The following SMG6 variants were observed in gnomAD, a reference collection of about 807,000 sequenced individuals.
SMG6 encodes the protein SMG6 nonsense mediated mRNA decay factor.
Under a neutral mutation model 142.2 loss-of-function variants are expected in SMG6, and 66 were observed. The ratio of observed to expected loss-of-function variants is 0.46; its 90% confidence interval spans 0.38 to 0.57. SMG6 has a LOEUF of 0.57. SMG6 is among the 20% of genes least tolerant of loss of function. The probability of loss-of-function intolerance (pLI) is 0.00; values close to 1 mark genes in which losing one functional copy is unlikely to be tolerated. For synonymous variants in SMG6, 779 were observed against 702.4 expected (o/e 1.11, Z -1.72); for missense variants, 1,793 against 1,832.0 (o/e 0.98, Z 0.39).
chr17:2,086,942 G>A (rs552507445), intron 13 of SMG6: 434 of 1,199,492 alleles, frequency 3.6e-4, no homozygotes, highest in Admixed American at 2.5e-3. Context: ...GTGGCCAGAC[G>A]TGCCACAGGG....
At chr17:2,137,968 C>A (rs1597452914) in intron 13 of SMG6, among the ~76,000 whole-genome samples, 1 of 152,078 alleles carries the variant, frequency 6.6e-6, no homozygotes, top group Admixed American at 6.6e-5. Flanking sequence ...ACACTAGACA[C>A]TTGGGGATGG....
chr17:2,093,637 G>A (rs1334756377), intron 13 of SMG6, among the ~76,000 whole-genome samples: 2 of 152,136 alleles, frequency 1.3e-5, no homozygotes, highest in Non-Finnish European at 2.9e-5. Context: ...ATAGCCTAGG[G>A]CCAAGGGGAG....
intron 8 of SMG6, among the ~76,000 whole-genome samples, chr17:2,273,064 G>A (rs141764537): frequency 1.7e-4 from 26 of 152,272 alleles, no homozygotes; most frequent in Non-Finnish European, 2.9e-4. Context: ...GACTCCCTAA[G>A]TGCAAGAAGG....
In SMG6 at chr17:2,073,728, A is replaced by AG. The variant is rs1157014635; in HGVS notation, c.3682-4798_3682-4797insC. Among the ~76,000 whole-genome samples, 5 of 150,530 alleles carry AG rather than the reference A, an allele frequency of 3.3e-5. No individual in the cohort carries two copies. In the South Asian group the frequency reaches 1.1e-3, roughly 32 times the overall value. On this transcript the variant is annotated intron_variant, in intron 15 of 18. Transcript: ENST00000263073. Reference sequence around the variant, plus strand: ...CGTCTCAAAAAAAAAAAAAAAAAAAAAGAGACAGAGTCTCATCCAAGCCTG... The same window carrying AG: ...CGTCTCAAAAAAAAAAAAAAAAAAAAGAGAGACAGAGTCTCATCCAAGCCTG...
chr17:2,167,196 A>G (rs1227429729), intron 13 of SMG6, among the ~76,000 whole-genome samples: 1 of 151,822 alleles, frequency 6.6e-6, no homozygotes, highest in Non-Finnish European at 1.5e-5. Flanking sequence ...AAAAAAAATA[A>G]AGGTTATAAG....
intron 10 of SMG6, among the ~76,000 whole-genome samples, chr17:2,229,909 A>AGT (rs2073421558): frequency 6.6e-6 from 1 of 152,022 alleles, no homozygotes; most frequent in African/African-American, 2.4e-5. Flanking sequence ...TGCCAGGCCA[A>AGT]GCGCAGTGGC....
At chr17:2,091,299 A>T (rs969091983) in intron 13 of SMG6, among the ~76,000 whole-genome samples, 1 of 152,230 alleles carries the variant, frequency 6.6e-6, no homozygotes, top group African/African-American at 2.4e-5. Context: ...TCCTGGCAGG[A>T]AGCAGACTCC....
intron 8 of SMG6, among the ~76,000 whole-genome samples, chr17:2,248,651 T>TA (rs750520480): frequency 7.2e-5 from 11 of 152,220 alleles, no homozygotes; most frequent in Non-Finnish European, 1.5e-4. Context: ...ACACTCTCCC[T>TA]AACCTTAGTT....
chr17:2,135,805 T>C (rs977926890), intron 13 of SMG6, among the ~76,000 whole-genome samples: 1 of 150,940 alleles, frequency 6.6e-6, no homozygotes, highest in Non-Finnish European at 1.5e-5. Flanking sequence ...TCTTCCCACC[T>C]TAGCCCCTTG....
Position 2,245,282 on chromosome 17 carries a change from G to C in SMG6, c.2662-563C>G, listed in dbSNP as rs11650903. On this transcript the variant is annotated intron_variant, in intron 8 of 18. Coordinates refer to ENST00000263073, the MANE Select transcript of SMG6 (RefSeq NM_017575.5). ...GAAAATTCAAGTGTCTAAAGGGCTA[G>C]GCGTGAAGTATGCTGATGGAGACAG... 1.8e-4 allele frequency among the ~76,000 whole-genome samples: 27 copies of C among 152,324 alleles called. No homozygotes were observed. The East Asian group carries it at 5.2e-3, about 29-fold the overall frequency.
chr17:2,086,078 C>T (rs1003475937), intron 13 of SMG6, among the ~76,000 whole-genome samples, 177 bp from the exon 14 acceptor site: 1 of 152,068 alleles, frequency 6.6e-6, no homozygotes, highest in South Asian at 2.1e-4. Context: ...TAAGTGAGGG[C>T]CCAGGGCAGG....
At chr17:2,193,955 C>A (rs948140317) in intron 10 of SMG6, among the ~76,000 whole-genome samples, 3 of 152,220 alleles carry the variant, frequency 2.0e-5, no homozygotes, top group Non-Finnish European at 4.4e-5. Flanking sequence ...CTCAGCCTCC[C>A]AAGTAGCTGG....
chr17:2,161,687 T>A (rs1346159146), intron 13 of SMG6, among the ~76,000 whole-genome samples: 1 of 150,284 alleles, frequency 6.7e-6, no homozygotes, highest in Admixed American at 6.7e-5. Context: ...TTAGTACCAC[T>A]CAGAGCACTC....
chr17:2,299,754 G>C lies in SMG6; in HGVS notation c.999C>G (p.Gly333=), dbSNP rs768082061. 1 of 1,613,940 alleles carries C rather than the reference G, an allele frequency of 6.2e-7. No individual in the cohort carries two copies. The highest frequency in any genetic ancestry group is 8.5e-7 in the Non-Finnish European group (1 of 1,180,012). Residue 333 remains glycine, a synonymous_variant, in exon 2 of 19, where the codon GGC becomes GGG. Transcript: ENST00000263073. The surrounding 1 kb of genome is among the most constrained non-coding windows in gnomAD (Gnocchi z 4.3). Reference sequence around the variant, plus strand: ...TGTTTTTCTGCTCACCCTCCCCACGGCCAGACCAGTTTCTTTCTAAATGTC... The same window carrying C: ...TGTTTTTCTGCTCACCCTCCCCACGCCCAGACCAGTTTCTTTCTAAATGTC... The part of the protein sequence containing the change: ...RKRHLERNWS[G]RGEGEQKNSA...
intron 14 of SMG6, among the ~76,000 whole-genome samples, chr17:2,083,012 CTG>C (rs1409699875): frequency 3.9e-5 from 6 of 152,280 alleles, no homozygotes; most frequent in Non-Finnish European, 8.8e-5. Context: ...AATGAACAAA[CTG>C]AGGTTTAGAA....
At chr17:2,287,561 T>C (rs552851110) in intron 6 of SMG6, among the ~76,000 whole-genome samples, 13 of 152,270 alleles carry the variant, frequency 8.5e-5, no homozygotes, top group South Asian at 6.2e-4. Context: ...CCCAGAAGAA[T>C]TGGAAGCAGG....
chr17:2,282,494 C>T (rs144547262), intron 8 of SMG6, among the ~76,000 whole-genome samples, 153 bp downstream of exon 8: 1 of 151,558 alleles, frequency 6.6e-6, no homozygotes, highest in African/African-American at 2.4e-5. Flanking sequence ...ATAAAGGAAG[C>T]GTACATGAGA....
chr17:2,241,496 T>C (rs1439145631), intron 9 of SMG6, among the ~76,000 whole-genome samples: 1 of 152,228 alleles, frequency 6.6e-6, no homozygotes, highest in African/African-American at 2.4e-5. Flanking sequence ...CCTTAATGTT[T>C]TTCAAAATTA....
At chr17:2,258,626 G>C (rs1347209480) in intron 8 of SMG6, among the ~76,000 whole-genome samples, 1 of 148,246 alleles carries the variant, frequency 6.7e-6, no homozygotes, top group Non-Finnish European at 1.5e-5. Context: ...AACATAGAGA[G>C]ACCTTGTTTC....
Sources: gnomAD v4.1 joint callset for allele counts (sites outside exome capture counted in the v4.1 genomes callset) on GRCh38, gnomAD v4.1.1 for gene constraint, Gnocchi (gnomAD v3.1) non-coding constraint, MANE v1.5 for transcripts, NCBI Gene and HGNC (gene_info 2026-07-23, HGNC 2026-07-21) for gene names.